Variants in DIAPH3 observed in about 807,000 individuals in gnomAD.
DIAPH3 encodes the protein diaphanous related formin 3.
DIAPH3 carries 117 observed loss-of-function variants against 144.3 expected under a neutral mutation model. The observed-to-expected ratio is 0.81, with a 90% CI of 0.70 to 0.95. DIAPH3 has a LOEUF of 0.95. Ranked by LOEUF, DIAPH3 falls within the 40% of genes least tolerant of loss-of-function variation. DIAPH3 has a pLI of 0.00. For synonymous variants in DIAPH3, 519 were observed against 488.9 expected, an observed-to-expected ratio of 1.06 and a Z score of -0.81; for missense variants, 1,421 against 1,412.7, an observed-to-expected ratio of 1.01 and a Z score of -0.09.
chr13:59,775,591 G>A (rs1430333695), intron 25 of DIAPH3, among the ~76,000 whole-genome samples: 1 of 152,110 alleles, frequency 6.6e-6, no homozygotes, highest in African/African-American at 2.4e-5. Context: ...AAACTTAGCA[G>A]ACAAATTATA....
At chr13:60,008,042 C>T (rs1292780071) in intron 9 of DIAPH3, among the ~76,000 whole-genome samples, 1 of 152,048 alleles carries the variant, frequency 6.6e-6, no homozygotes, top group African/African-American at 2.4e-5. Flanking sequence ...TTGTTGTGTG[C>T]CAAGATGTAT....
chr13:59,935,908 T>C (rs2048241091), intron 17 of DIAPH3, among the ~76,000 whole-genome samples: 1 of 152,196 alleles, frequency 6.6e-6, no homozygotes, highest in South Asian at 2.1e-4. Flanking sequence ...AAATAAAATT[T>C]TGTGAAACAG....
intron 4 of DIAPH3, among the ~76,000 whole-genome samples, chr13:60,092,561 G>C (rs2057979774): frequency 6.6e-6 from 1 of 152,144 alleles, no homozygotes; most frequent in Admixed American, 6.5e-5. Context: ...TGAGACAGGA[G>C]AATGGCGTGA....
At chr13:59,845,225 G>A (rs1025646951) in intron 22 of DIAPH3, among the ~76,000 whole-genome samples, 4 of 151,788 alleles carry the variant, frequency 2.6e-5, no homozygotes, top group African/African-American at 9.7e-5. Flanking sequence ...TGTATTTTTA[G>A]TAGAGACGGG....
chr13:59,777,806 GAGAA>G (rs1381862750), intron 25 of DIAPH3, among the ~76,000 whole-genome samples: 5 of 152,096 alleles, frequency 3.3e-5, no homozygotes, highest in African/African-American at 4.8e-5. Context: ...GGAAGAAATA[GAGAA>G]AGAGAGAAGA....
chr13:60,009,431 A>G (rs558545583), intron 8 of DIAPH3, among the ~76,000 whole-genome samples: 60 of 152,256 alleles, frequency 3.9e-4, no homozygotes, highest in Middle Eastern at 3.4e-3. Flanking sequence ...GAGGAAGAAA[A>G]GGGAAAAAGA....
At chr13:60,148,681 G>A (rs964994583) in intron 1 of DIAPH3, among the ~76,000 whole-genome samples, 2 of 152,192 alleles carry the variant, frequency 1.3e-5, no homozygotes, top group South Asian at 4.1e-4. Context: ...TTCAAGGGGG[G>A]CAAGGTTTGT....
At chr13:59,675,366 C>A (rs1404079886) in intron 27 of DIAPH3, among the ~76,000 whole-genome samples, 2 of 151,992 alleles carry the variant, frequency 1.3e-5, no homozygotes, top group African/African-American at 4.8e-5. Context: ...CTGTGCCTAG[C>A]CTTTACATGC....
chr13:60,005,787 C>T (rs942836485), intron 9 of DIAPH3, among the ~76,000 whole-genome samples: 4 of 152,028 alleles, frequency 2.6e-5, no homozygotes, highest in East Asian at 3.9e-4. Context: ...TGACCTGAAA[C>T]GCACATTTTA....
chr13:59,932,749 G>A (rs1175920038), intron 17 of DIAPH3, among the ~76,000 whole-genome samples: 4 of 151,964 alleles, frequency 2.6e-5, no homozygotes, highest in Non-Finnish European at 4.4e-5. Context: ...AGGATTGTTG[G>A]GACAAAGGAT....
intron 3 of DIAPH3, among the ~76,000 whole-genome samples, chr13:60,099,875 A>G (rs2058216414): frequency 6.6e-6 from 1 of 150,974 alleles, no homozygotes; most frequent in Non-Finnish European, 1.5e-5. Flanking sequence ...TAGAATTAAA[A>G]AGACCAAATT....
At chr13:59,815,770 T>G (rs1014717624) in intron 24 of DIAPH3, among the ~76,000 whole-genome samples, 4 of 152,116 alleles carry the variant, frequency 2.6e-5, no homozygotes, top group Non-Finnish European at 5.9e-5. Flanking sequence ...AAATGTAATT[T>G]TTATATATGC....
intron 17 of DIAPH3, among the ~76,000 whole-genome samples, chr13:59,934,457 TA>T (rs2048168378): frequency 6.6e-6 from 1 of 151,942 alleles, no homozygotes; most frequent in African/African-American, 2.4e-5. Flanking sequence ...TCAACTCAAC[TA>T]AAAAAATAAA....
chr13:59,741,543 G>T lies in DIAPH3; in HGVS notation c.3319+32646C>A, dbSNP rs182215669. ...AGGCTGAGAAGGGGGAATCACTTGA[G>T]CCCAGGAGTTCATGACCAGCTGGCA... On this transcript the variant is annotated intron_variant, in intron 27 of 27. Coordinates refer to ENST00000400324, the MANE Select transcript of DIAPH3 (RefSeq NM_001042517.2). Among the ~76,000 whole-genome samples, 292 of 152,062 alleles carry T rather than the reference G, an allele frequency of 1.9e-3. 1 individual carries two copies. The highest frequency in any genetic ancestry group is 2.7e-3 in the Non-Finnish European group (186 of 67,972).
At chr13:59,821,815 C>T (rs1257014609) in intron 24 of DIAPH3, among the ~76,000 whole-genome samples, 1 of 152,160 alleles carries the variant, frequency 6.6e-6, no homozygotes, top group Non-Finnish European at 1.5e-5. Flanking sequence ...CTGGCACAAA[C>T]AATTCATCAT....
chr13:59,788,310 T>A lies in DIAPH3; in HGVS notation c.3164-13487A>T, dbSNP rs72626797. On this transcript the variant is annotated intron_variant, in intron 25 of 27. Transcript: ENST00000400324. Reference sequence around the variant, plus strand: ...AATGCAATCACTTCGGAATATAATTTAGTAATTTTTATTAGAAATAAAATT... The same window carrying A: ...AATGCAATCACTTCGGAATATAATTAAGTAATTTTTATTAGAAATAAAATT... 5.6e-3 allele frequency among the ~76,000 whole-genome samples: 850 copies of A among 152,222 alleles called. 55 individuals are homozygous for A. In the East Asian group the frequency reaches 0.15, roughly 27 times the overall value.
chr13:59,988,456 G>GT (rs1250766886), intron 12 of DIAPH3, among the ~76,000 whole-genome samples: 2 of 151,738 alleles, frequency 1.3e-5, no homozygotes, highest in African/African-American at 4.8e-5. Flanking sequence ...CATAATTTTA[G>GT]TAAGTTTTTC....
At chr13:59,833,401 A>G (rs929454019) in intron 23 of DIAPH3, 130 bp from the exon 24 acceptor site, 1 of 638,398 alleles carries the variant, frequency 1.6e-6, no homozygotes, top group Non-Finnish European at 2.6e-6. Context: ...ATTACTTCTA[A>G]TAGTTGACCA....
chr13:59,957,808 A>C (rs2049496104), intron 17 of DIAPH3, among the ~76,000 whole-genome samples: 1 of 152,224 alleles, frequency 6.6e-6, no homozygotes, highest in African/African-American at 2.4e-5. Context: ...TCTAAAGACT[A>C]ATACCCCTCA....
Sources: allele counts gnomAD v4.1 joint callset (sites outside exome capture counted in the v4.1 genomes callset), GRCh38; gene constraint gnomAD v4.1.1; transcripts MANE v1.5; gene names NCBI Gene and HGNC (gene_info 2026-07-23, HGNC 2026-07-21).